The following ASAH2 variants were observed in gnomAD, a reference collection of about 807,000 sequenced individuals.
The protein encoded by ASAH2 is neutral ceramidase.
In ASAH2, 58 loss-of-function variants were observed where a neutral mutation model predicts 82.9. The observed-to-expected ratio is 0.70, with a 90% CI of 0.57 to 0.87. ASAH2 has a LOEUF of 0.87. Among genes scored for constraint, ASAH2 ranks in the 40% least tolerant of loss-of-function variants. The probability of loss-of-function intolerance (pLI) is 0.00; values close to 1 mark genes in which losing one functional copy is unlikely to be tolerated. For synonymous variants in ASAH2, 276 were observed against 289.7 expected (o/e 0.95, Z 0.48); for missense variants, 779 against 834.0 (o/e 0.93, Z 0.81).
chr10:50,201,347 A>G (rs1845142594), intron 16 of ASAH2, among the ~76,000 whole-genome samples: 3 of 152,112 alleles, frequency 2.0e-5, no homozygotes, highest in Admixed American at 2.0e-4. Context: ...AAGCTAAAAA[A>G]GTGCACTGTA....
Position 50,245,559 on chromosome 10 carries a change from A to G in ASAH2, c.128-105T>C, listed in dbSNP as rs1846433933. 4 of 1,034,064 alleles carry G rather than the reference A, an allele frequency of 3.9e-6. No individual in the cohort carries two copies. In the South Asian group the frequency reaches 7.0e-5, roughly 18 times the overall value. 64.1% of individuals were successfully genotyped at this position (1,034,064 alleles called of 1,614,324 possible). On this transcript the variant is annotated intron_variant, in intron 2 of 20. Transcript: ENST00000682911. The stretch of plus-strand genomic sequence containing the variant: ...CTCAGGTTCATAAGGAAAACTCTTT[A>G]TATATTTTCTTATACATAAAAATAT...
chr10:50,246,087 CAT>C (rs1219077929), intron 2 of ASAH2, among the ~76,000 whole-genome samples: 15 of 152,114 alleles, frequency 9.9e-5, no homozygotes, highest in East Asian at 1.9e-4. Flanking sequence ...TATTTATACA[CAT>C]ATATTCTATA....
chr10:50,200,853 G>A (rs1230725107), intron 16 of ASAH2, among the ~76,000 whole-genome samples: 1 of 152,082 alleles, frequency 6.6e-6, no homozygotes, highest in Non-Finnish European at 1.5e-5. Flanking sequence ...TGGTTCCCTG[G>A]CAAAGGCCCC....
Position 50,243,201 on chromosome 10 carries a change from C to G in ASAH2, c.510+1G>C. The stretch of plus-strand genomic sequence containing the variant: ...TTCATTTCTCCTCTCAAATCACTTA[C>G]CTCCAGCCTGAGCCTTTGTGATACC... On this transcript the variant is annotated splice_donor_variant, in intron 4 of 20. Coordinates refer to ENST00000682911, the MANE Select transcript of ASAH2 (RefSeq NM_019893.4). LOFTEE classifies it high-confidence loss of function. The G allele has an allele frequency of 6.2e-7, 1 of 1,613,876 alleles. No individual in the cohort carries two copies. The highest frequency in any genetic ancestry group is 8.5e-7 in the Non-Finnish European group (1 of 1,179,878).
At chr10:50,248,252 A>T (rs776230724) in intron 2 of ASAH2, among the ~76,000 whole-genome samples, 4 of 152,258 alleles carry the variant, frequency 2.6e-5, no homozygotes, top group Non-Finnish European at 4.4e-5. Context: ...CTAATGGCAA[A>T]CAAGTACATG....
chr10:50,248,230 T>A (rs1846523115), intron 2 of ASAH2, among the ~76,000 whole-genome samples: 1 of 152,148 alleles, frequency 6.6e-6, no homozygotes, highest in Non-Finnish European at 1.5e-5. Context: ...TGTGCTTAGA[T>A]CAATGGAAAA....
chr10:50,242,594 C>T (rs1342485978), intron 4 of ASAH2, among the ~76,000 whole-genome samples: 10 of 151,240 alleles, frequency 6.6e-5, no homozygotes, highest in East Asian at 1.9e-4. Context: ...GGAAGTTTAT[C>T]GTTCACTGGC....
At chr10:50,239,974 C>T (rs1294895175) in intron 4 of ASAH2, among the ~76,000 whole-genome samples, 1 of 151,806 alleles carries the variant, frequency 6.6e-6, no homozygotes, top group Non-Finnish European at 1.5e-5. Flanking sequence ...GGACTACAGG[C>T]TCCTTCCAGC....
intron 16 of ASAH2, among the ~76,000 whole-genome samples, chr10:50,201,007 G>A (rs1237434471): frequency 2.0e-5 from 3 of 151,870 alleles, no homozygotes; most frequent in Non-Finnish European, 4.4e-5. Context: ...TCCACAAGCA[G>A]ACAAGGAGAT....
chr10:50,205,893 C>T (rs1414054002), intron 13 of ASAH2, 89 bp downstream of exon 13: 2 of 1,057,390 alleles, frequency 1.9e-6, no homozygotes, highest in African/African-American at 3.1e-5. Flanking sequence ...CTTCCCATCT[C>T]AGTAGATATC....
At chr10:50,198,977 G>A (rs1377375743) in intron 17 of ASAH2, 74 bp downstream of exon 17, 339 of 1,495,668 alleles carry the variant, frequency 2.3e-4, no homozygotes, top group Non-Finnish European at 2.9e-4. Context: ...CCCAGACACA[G>A]ACACATACAG....
At chr10:50,199,575 C>T (rs1321713733) in intron 16 of ASAH2, among the ~76,000 whole-genome samples, 2 of 150,134 alleles carry the variant, frequency 1.3e-5, no homozygotes, top group Non-Finnish European at 3.0e-5. Context: ...ATCACAAAGC[C>T]ATGAAATTGA....
intron 3 of ASAH2, 81 bp from the exon 4 acceptor site, chr10:50,243,432 G>T: frequency 1.4e-6 from 2 of 1,435,242 alleles, no homozygotes; most frequent in South Asian, 1.5e-5. Flanking sequence ...CAATATAGAC[G>T]ACTGCAGAAA....
chr10:50,221,797 C>A (rs963537406), intron 7 of ASAH2, among the ~76,000 whole-genome samples: 52 of 152,272 alleles, frequency 3.4e-4, no homozygotes, highest in African/African-American at 1.2e-3. Flanking sequence ...CCCTTCTCTT[C>A]ATTCACTTGC....
At position 50,245,309 on chromosome 10, in the gene ASAH2, T is replaced by C. The variant is rs1406897180; in HGVS notation, c.273A>G (p.Pro91=). ...ATQTSPVPLT[P]ESPLFQNFSG... is the part of the protein sequence containing the mutation. ...TGAAGTTCTGAAATAGAGGAGACTCTGGGGTTAAAGGCACTGGAGAAGTTT... is the reference window on the plus strand; with the variant it reads ...TGAAGTTCTGAAATAGAGGAGACTCCGGGGTTAAAGGCACTGGAGAAGTTT... The change falls in exon 3 of 21, where the codon CCA becomes CCG. Residue 91 remains proline (P), a synonymous_variant. Transcript: ENST00000682911. 8 of 1,613,942 alleles carry C rather than the reference T, an allele frequency of 5.0e-6. No individual in the cohort carries two copies. Among genetic ancestry groups the C allele is most frequent in the Non-Finnish European group, 6.8e-6 (8 of 1,180,008 alleles).
At chr10:50,208,002 G>A (rs901838388) in intron 12 of ASAH2, among the ~76,000 whole-genome samples, 130 of 151,832 alleles carry the variant, frequency 8.6e-4, no homozygotes, top group Non-Finnish European at 1.5e-3. Context: ...TACAAAGTTG[G>A]TTAAACATTC....
At chr10:50,210,728 T>C in intron 12 of ASAH2, 95 bp downstream of exon 12, 1 of 1,137,342 alleles carries the variant, frequency 8.8e-7, no homozygotes, top group Non-Finnish European at 1.3e-6. Flanking sequence ...GTTTAAAAAT[T>C]AATAAATGTA....
In ASAH2 at chr10:50,248,518, C is replaced by G. The variant is rs758953048; in HGVS notation, c.93G>C (p.Leu31Phe). 1.3e-5 allele frequency: 21 copies of G among 1,613,776 alleles called. No individual in the cohort carries two copies. Among genetic ancestry groups the G allele is most frequent in the Non-Finnish European group, 1.8e-5 (21 of 1,179,768 alleles). The change falls in exon 2 of 21, where the codon TTG becomes TTC. Residue 31 changes from leucine (L) to phenylalanine (F), a missense_variant. By Grantham distance (22) the Leu-to-Phe change is conservative (BLOSUM62 0). Around this residue, in one of 3 missense-constraint regions of ASAH2, gnomAD observed 759 missense variants for 755.2 expected, o/e 1.00. Coordinates refer to ENST00000682911, the MANE Select transcript of ASAH2 (RefSeq NM_019893.4). ...TTTCAATGGTCCCACTGGTGATAAA[C>G]AAGAGGCTGAGAAGGGCCACTGTGA... ...SAITVALLSL[L>F]FITSGTIENH... is the part of the protein sequence containing the mutation.
intron 7 of ASAH2, among the ~76,000 whole-genome samples, chr10:50,226,516 A>G (rs1845887941): frequency 6.6e-6 from 1 of 152,106 alleles, no homozygotes; most frequent in Admixed American, 6.6e-5. Context: ...ATACAACACC[A>G]AGAATGAACC....
Sources: allele counts gnomAD v4.1 joint callset (sites outside exome capture counted in the v4.1 genomes callset), GRCh38; gene constraint gnomAD v4.1.1; regional missense constraint gnomAD v4.1.1; transcripts MANE v1.5; gene names NCBI Gene and HGNC (gene_info 2026-07-23, HGNC 2026-07-21).